Variants in NRXN3 observed in about 807,000 individuals in gnomAD.
NRXN3 encodes neurexin III.
In NRXN3, 32 loss-of-function variants were observed where a neutral mutation model predicts 137.6. That is an observed-to-expected ratio of 0.23 (90% CI 0.18 to 0.31). The LOEUF is 0.31. Among genes scored for constraint, NRXN3 ranks in the 10% least tolerant of loss-of-function variants. The pLI, the probability that NRXN3 is intolerant of heterozygous loss-of-function variation, is 1.00. For missense variants in NRXN3, 1,574 were observed against 2,062.5 expected, an observed-to-expected ratio of 0.76 and a Z score of 4.59; for synonymous variants, 798 against 784.5, an observed-to-expected ratio of 1.02 and a Z score of -0.29.
At chr14:79,330,842 C>T (rs990974722) in intron 15 of NRXN3, among the ~76,000 whole-genome samples, 1 of 152,174 alleles carries the variant, frequency 6.6e-6, no homozygotes, top group Non-Finnish European at 1.5e-5. Flanking sequence ...AGGTCCATGT[C>T]TAGTCACAAT....
chr14:78,212,095 T>C (rs979889529), intron 1 of NRXN3, among the ~76,000 whole-genome samples: 27 of 152,276 alleles, frequency 1.8e-4, no homozygotes, highest in Middle Eastern at 3.4e-3. Flanking sequence ...ACTAACTAGA[T>C]TACTGTGACT....
intron 1 of NRXN3, among the ~76,000 whole-genome samples, chr14:78,171,446 A>AG (rs2058716876): frequency 6.6e-6 from 1 of 152,082 alleles, no homozygotes; most frequent in African/African-American, 2.4e-5. Context: ...ATTTAGTAGC[A>AG]GGCTTGCCTG....
intron 15 of NRXN3, among the ~76,000 whole-genome samples, chr14:79,355,979 A>G (rs17109090): frequency 0.014 from 2,201 of 152,284 alleles, 59 homozygotes; most frequent in African/African-American, 0.05. Flanking sequence ...TGAAGTCTCA[A>G]TTAGAATAGG....
At chr14:78,653,197 A>G (rs1303942577) in intron 6 of NRXN3, among the ~76,000 whole-genome samples, 1 of 152,208 alleles carries the variant, frequency 6.6e-6, no homozygotes, top group Non-Finnish European at 1.5e-5. Flanking sequence ...TGCTGGCTTC[A>G]GAGATTTCAT....
chr14:79,321,401 G>A (rs1222440598), intron 15 of NRXN3, among the ~76,000 whole-genome samples: 4 of 152,046 alleles, frequency 2.6e-5, no homozygotes, highest in Non-Finnish European at 5.9e-5. Context: ...TTCCCCTACT[G>A]GATGTTGTAA....
intron 1 of NRXN3, among the ~76,000 whole-genome samples, chr14:78,241,930 G>A (rs72685772): frequency 0.014 from 2,154 of 152,074 alleles, 30 homozygotes; most frequent in East Asian, 0.031. Flanking sequence ...ACAAATTTAG[G>A]GGTAGCAATT....
At chr14:78,821,634 C>G (rs2098951063) in intron 10 of NRXN3, among the ~76,000 whole-genome samples, 2 of 151,706 alleles carry the variant, frequency 1.3e-5, no homozygotes, top group Middle Eastern at 3.2e-3. Context: ...TTTTATAATG[C>G]TGGAAAAATT....
At chr14:79,296,498 T>C (rs1478169562) in intron 15 of NRXN3, among the ~76,000 whole-genome samples, 7 of 151,436 alleles carry the variant, frequency 4.6e-5, no homozygotes, top group Admixed American at 2.0e-4. Flanking sequence ...TTTGCTGAGT[T>C]ATGGGCTTGT....
chr14:79,457,730 T>C (rs547476171), intron 15 of NRXN3, among the ~76,000 whole-genome samples: 2 of 152,304 alleles, frequency 1.3e-5, no homozygotes, highest in East Asian at 3.9e-4. Context: ...GGCATTTAAA[T>C]CAAAGCACTG....
At chr14:78,297,997 GACCAC>G in intron 4 of NRXN3, 137 bp downstream of exon 4, 1 of 976,552 alleles carries the variant, frequency 1.0e-6, no homozygotes, top group Non-Finnish European at 1.5e-6. Flanking sequence ...CTGGCTGCAG[GACCAC>G]CCTGCAGTGG....
At chr14:78,672,181 A>G (rs1357037550) in intron 6 of NRXN3, among the ~76,000 whole-genome samples, 4 of 152,222 alleles carry the variant, frequency 2.6e-5, no homozygotes, top group Non-Finnish European at 5.9e-5. Context: ...GGAGGGAGAG[A>G]CCAACATGAA....
intron 4 of NRXN3, among the ~76,000 whole-genome samples, chr14:78,491,952 G>T (rs561764446): frequency 6.6e-6 from 1 of 152,252 alleles, no homozygotes; most frequent in East Asian, 1.9e-4. Context: ...TGTGACGTTT[G>T]GGACCAGGAA....
intron 4 of NRXN3, among the ~76,000 whole-genome samples, chr14:78,376,926 A>T (rs979115267): frequency 6.6e-6 from 1 of 152,370 alleles, no homozygotes; most frequent in African/African-American, 2.4e-5. Context: ...ACACAAAAAG[A>T]TATATACTTT....
At chr14:79,540,816 G>A (rs2097264929) in intron 16 of NRXN3, among the ~76,000 whole-genome samples, 1 of 152,156 alleles carries the variant, frequency 6.6e-6, no homozygotes, top group African/African-American at 2.4e-5. Context: ...AGGTTAGTGT[G>A]GATGAGCAAG....
chr14:78,839,809 C>T (rs907645285), intron 10 of NRXN3, among the ~76,000 whole-genome samples: 1 of 152,226 alleles, frequency 6.6e-6, no homozygotes, highest in Non-Finnish European at 1.5e-5. Context: ...GAGCCCACCA[C>T]ATCTGCATGC....
intron 15 of NRXN3, among the ~76,000 whole-genome samples, chr14:79,141,897 T>G (rs2058815838): frequency 6.6e-6 from 1 of 152,238 alleles, no homozygotes; most frequent in Non-Finnish European, 1.5e-5. Context: ...AGTGCAATTT[T>G]ATGAAAATGT....
intron 15 of NRXN3, among the ~76,000 whole-genome samples, chr14:79,462,795 A>G (rs2096365082): frequency 7.1e-6 from 1 of 139,918 alleles, no homozygotes; most frequent in South Asian, 2.2e-4. Flanking sequence ...TTTCACACAC[A>G]TGCATGCACA....
intron 15 of NRXN3, among the ~76,000 whole-genome samples, chr14:78,989,289 G>A (rs1475748107): frequency 6.6e-6 from 1 of 152,182 alleles, no homozygotes; most frequent in Non-Finnish European, 1.5e-5. Flanking sequence ...CCAGATCTAT[G>A]TGGTTTTTTT....
chr14:78,728,059 A>G (rs2098494914), intron 8 of NRXN3, among the ~76,000 whole-genome samples: 1 of 152,242 alleles, frequency 6.6e-6, no homozygotes, highest in Non-Finnish European at 1.5e-5. Context: ...GGTAGTAAGT[A>G]GCCACGCTGG....
Sources: gnomAD v4.1 joint callset for allele counts (sites outside exome capture counted in the v4.1 genomes callset) on GRCh38, gnomAD v4.1.1 for gene constraint, MANE v1.5 for transcripts, NCBI Gene and HGNC (gene_info 2026-07-23, HGNC 2026-07-21) for gene names.